The following CSMD1 variants were observed in gnomAD, a reference collection of about 807,000 sequenced individuals.
The protein encoded by CSMD1 is CUB and Sushi multiple domains 1, also known as CUB and sushi domain-containing protein 1.
CSMD1 carries 213 observed loss-of-function variants against 417.5 expected under a neutral mutation model. The observed-to-expected ratio is 0.51, with a 90% CI of 0.46 to 0.57. The LOEUF (loss-of-function observed/expected upper bound fraction) is 0.57. Ranked by LOEUF, CSMD1 falls within the 20% of genes least tolerant of loss-of-function variation. The probability of loss-of-function intolerance (pLI) is 0.00; values close to 1 mark genes in which losing one functional copy is unlikely to be tolerated. For missense variants in CSMD1, 6,923 were observed against 4,529.7 expected, an observed-to-expected ratio of 1.53 and a Z score of -15.17; for synonymous variants, 2,862 against 1,736.8, an observed-to-expected ratio of 1.65 and a Z score of -16.11.
At chr8:4,074,737 A>G (rs1459344156) in intron 3 of CSMD1, among the ~76,000 whole-genome samples, 37 of 152,054 alleles carry the variant, frequency 2.4e-4, no homozygotes, top group Non-Finnish European at 2.9e-5. Context: ...TTGATTTAGG[A>G]AAAAGAAACA....
intron 12 of CSMD1, among the ~76,000 whole-genome samples, chr8:3,419,199 C>G (rs150298760): frequency 1.1e-3 from 168 of 152,312 alleles, no homozygotes; most frequent in African/African-American, 3.7e-3. Flanking sequence ...TAACACATTT[C>G]TGAGCACCTA....
At chr8:4,932,099 T>A (rs1276040178) in intron 1 of CSMD1, among the ~76,000 whole-genome samples, 1 of 152,230 alleles carries the variant, frequency 6.6e-6, no homozygotes, top group Admixed American at 6.5e-5. Flanking sequence ...TAAAGCAATT[T>A]TCATTTGGAA....
chr8:4,654,282 T>C lies in CSMD1; in HGVS notation c.86-16724A>G, dbSNP rs560146481. 3.9e-5 allele frequency among the ~76,000 whole-genome samples: 6 copies of C among 152,228 alleles called. No individual in the cohort carries two copies. The South Asian group carries it at 8.3e-4, about 21-fold the overall frequency. On this transcript the variant is annotated intron_variant, in intron 1 of 69. Transcript: ENST00000635120. ...AGTTCAGGCAAATCTCAAATGAATA[T>C]AGACTTATATGGAAAGGATATAAAT...
chr8:3,764,829 C>G (rs1055110728), intron 5 of CSMD1, among the ~76,000 whole-genome samples: 1 of 150,474 alleles, frequency 6.6e-6, no homozygotes, highest in Non-Finnish European at 1.5e-5. Context: ...TCAGTGAAAC[C>G]TCTGCTGCCT....
intron 3 of CSMD1, among the ~76,000 whole-genome samples, chr8:4,131,354 C>A (rs1396529433): frequency 6.6e-6 from 1 of 152,154 alleles, no homozygotes; most frequent in Admixed American, 6.5e-5. Context: ...GTGACACCTA[C>A]ACGCTCCTCA....
rs1337936774 is a variant in CSMD1, at chr8:3,972,807, A to G, written c.818+25096T>C. 1.3e-5 allele frequency among the ~76,000 whole-genome samples: 2 copies of G among 152,230 alleles called. 1 individual carries two copies. Among genetic ancestry groups the G allele is most frequent in the Non-Finnish European group, 2.9e-5 (2 of 68,036 alleles). On this transcript the variant is annotated intron_variant, in intron 5 of 69. Transcript: ENST00000635120. ...CATTTTAGGAATCTATTTTATGGGA[A>G]TAATTTTGGATATTCACACATATCT... is the stretch of plus-strand genomic sequence containing the variant.
At chr8:3,287,869 C>T (rs200834512) in intron 25 of CSMD1, among the ~76,000 whole-genome samples, 20,653 of 134,232 alleles carry the variant, frequency 0.15, 1,983 homozygotes, top group Admixed American at 0.2. Context: ...GAGGGCATCC[C>T]TCTCTTGTGC....
intron 18 of CSMD1, among the ~76,000 whole-genome samples, chr8:3,374,670 G>A (rs760028295): frequency 6.6e-6 from 1 of 152,176 alleles, no homozygotes; most frequent in Non-Finnish European, 1.5e-5. Context: ...AAATGCAGAA[G>A]ATCAGAAGCA....
chr8:4,241,604 A>G (rs144391248), intron 3 of CSMD1, among the ~76,000 whole-genome samples: 8 of 152,372 alleles, frequency 5.3e-5, no homozygotes, highest in African/African-American at 1.9e-4. Flanking sequence ...ACACAAGTTT[A>G]GAGGATTTCT....
intron 5 of CSMD1, among the ~76,000 whole-genome samples, chr8:3,984,359 A>G (rs993822775): frequency 1.3e-5 from 2 of 152,198 alleles, no homozygotes; most frequent in Non-Finnish European, 2.9e-5. Context: ...ACGACAGATC[A>G]TGAGTCTCTG....
chr8:4,460,424 C>T (rs1453469657), intron 2 of CSMD1, among the ~76,000 whole-genome samples: 1 of 151,882 alleles, frequency 6.6e-6, no homozygotes, highest in Non-Finnish European at 1.5e-5. Flanking sequence ...CCTCACTGTC[C>T]TGGAAAAAGT....
intron 1 of CSMD1, among the ~76,000 whole-genome samples, chr8:4,675,939 A>G (rs1805656245): frequency 6.6e-6 from 1 of 152,192 alleles, no homozygotes; most frequent in Admixed American, 6.6e-5. Context: ...GCCTGGATTG[A>G]ATGATTTGTT....
At chr8:3,546,791 C>T (rs1798685535) in intron 10 of CSMD1, among the ~76,000 whole-genome samples, 1 of 152,180 alleles carries the variant, frequency 6.6e-6, no homozygotes, top group South Asian at 2.1e-4. Flanking sequence ...GAACAGGATT[C>T]TGCAGCTCCC....
intron 52 of CSMD1, among the ~76,000 whole-genome samples, chr8:3,003,662 A>T (rs1807614925): frequency 6.6e-6 from 1 of 152,194 alleles, no homozygotes; most frequent in Admixed American, 6.5e-5. Flanking sequence ...ACAATCGCAG[A>T]GGGTAAACGC....
intron 3 of CSMD1, among the ~76,000 whole-genome samples, chr8:4,218,143 CT>C (rs1390251997): frequency 2.6e-5 from 4 of 152,162 alleles, no homozygotes; most frequent in Non-Finnish European, 4.4e-5. Context: ...TAAGTAACTC[CT>C]ACATGCTGAA....
rs73660721 is a variant in CSMD1 at position 4,270,913 on chromosome 8, C to T, written c.415+149040G>A. Among the ~76,000 whole-genome samples, 1,427 of 152,196 alleles carry T rather than the reference C, an allele frequency of 9.4e-3. 26 individuals are homozygous for T. Among genetic ancestry groups the T allele is most frequent in the African/African-American group, 0.032 (1,347 of 41,512 alleles). On this transcript the variant is annotated intron_variant, in intron 3 of 69. Coordinates refer to ENST00000635120, the MANE Select transcript of CSMD1 (RefSeq NM_033225.6). The stretch of plus-strand genomic sequence containing the variant: ...TCAACAAACAACTCAAGGTGCTGAT[C>T]GCTGTGAAAAATGAGACACCCCTAG...
chr8:4,930,367 G>A (rs188105850), intron 1 of CSMD1, among the ~76,000 whole-genome samples: 33 of 152,020 alleles, frequency 2.2e-4, no homozygotes, highest in South Asian at 6.2e-4. Flanking sequence ...TCATAGGTGC[G>A]CGCACACACA....
intron 3 of CSMD1, among the ~76,000 whole-genome samples, chr8:4,125,767 TC>T (rs1481570151): frequency 6.6e-6 from 1 of 152,140 alleles, no homozygotes; most frequent in Non-Finnish European, 1.5e-5. Context: ...ACAGCCCTTA[TC>T]AACTGATAGA....
At chr8:4,380,322 C>G (rs79962398) in intron 3 of CSMD1, among the ~76,000 whole-genome samples, 1 of 152,064 alleles carries the variant, frequency 6.6e-6, no homozygotes, top group Non-Finnish European at 1.5e-5. Context: ...ATAGCACACC[C>G]TCCTTACATT....
Sources: gnomAD v4.1 joint callset for allele counts (sites outside exome capture counted in the v4.1 genomes callset) on GRCh38, gnomAD v4.1.1 for gene constraint, MANE v1.5 for transcripts, NCBI Gene and HGNC (gene_info 2026-07-23, HGNC 2026-07-21) for gene names.